Variants in GPHN observed in about 807,000 individuals in gnomAD.
GPHN encodes the protein gephyrin.
GPHN carries 17 observed loss-of-function variants against 95.5 expected under a neutral mutation model. The ratio of observed to expected loss-of-function variants is 0.18; its 90% confidence interval spans 0.12 to 0.27. The LOEUF (loss-of-function observed/expected upper bound fraction) is 0.27, where lower values mean the gene tolerates loss of function less well. GPHN is among the 10% of genes least tolerant of loss of function. The pLI is 1.00. For missense variants in GPHN, 660 were observed against 978.1 expected, an observed-to-expected ratio of 0.67 and a Z score of 4.34; for synonymous variants, 320 against 322.5, an observed-to-expected ratio of 0.99 and a Z score of 0.08.
chr14:67,678,388 C>T, the GPHN span: 7 of 1,613,836 alleles, frequency 4.3e-6, no homozygotes, highest in East Asian at 2.2e-5. Flanking sequence ...AGTCTCATTA[C>T]GAGCTTGGGC....
the GPHN span, chr14:67,350,520 T>C: frequency 8.6e-7 from 1 of 1,157,174 alleles, no homozygotes; most frequent in East Asian, 2.4e-5. Context: ...TCCTTAACGC[T>C]TATTTCTAAA....
At chr14:67,683,338 T>C in the GPHN span, among the ~76,000 whole-genome samples, 4 of 152,056 alleles carry the variant, frequency 2.6e-5, no homozygotes, top group African/African-American at 9.7e-5. Context: ...TCTTGGAAAA[T>C]CAATCCAGTA....
chr14:67,473,770 T>G, the GPHN span: 1 of 1,613,882 alleles, frequency 6.2e-7, no homozygotes, highest in Non-Finnish European at 8.5e-7. The surrounding 1 kb of genome is among the most constrained non-coding windows in gnomAD (Gnocchi z 6.5). Context: ...GTGCCGTAGA[T>G]GAAGAGGGCC....
the GPHN span, among the ~76,000 whole-genome samples, chr14:67,551,163 A>G: frequency 6.6e-6 from 1 of 152,210 alleles, no homozygotes; most frequent in Admixed American, 6.5e-5. Context: ...GCTTAAACCC[A>G]TTCTTTCTGT....
the GPHN span, chr14:67,412,080 G>A: frequency 2.0e-6 from 3 of 1,526,236 alleles, no homozygotes; most frequent in Non-Finnish European, 2.6e-6. Flanking sequence ...GCACGCCAGG[G>A]CCACCCCAGG....
At chr14:66,904,349 A>T (rs939485665) in intron 5 of GPHN, among the ~76,000 whole-genome samples, 1 of 151,954 alleles carries the variant, frequency 6.6e-6, no homozygotes, top group African/African-American at 2.4e-5. Context: ...GGTCCATTTT[A>T]CAGTGTGCTG....
At chr14:67,600,217 G>C in the GPHN span, 38 of 1,558,150 alleles carry the variant, frequency 2.4e-5, no homozygotes, top group Non-Finnish European at 2.8e-5. Flanking sequence ...GCCCCCACTC[G>C]GCCGCCCGCA....
At chr14:67,558,291 A>G in the GPHN span, among the ~76,000 whole-genome samples, 1 of 152,106 alleles carries the variant, frequency 6.6e-6, no homozygotes, top group East Asian at 1.9e-4. Flanking sequence ...TTTCCTACAC[A>G]TGCCTTCTCC....
the GPHN span, chr14:67,735,308 A>C: frequency 2.4e-6 from 2 of 833,588 alleles, no homozygotes; most frequent in Non-Finnish European, 4.3e-6. Flanking sequence ...ACCTCTCTGT[A>C]GTGTCTCGCC....
At chr14:67,038,846 C>G in intron 10 of GPHN, among the ~76,000 whole-genome samples, 1 of 152,104 alleles carries the variant, frequency 6.6e-6, no homozygotes, top group African/African-American at 2.4e-5. Flanking sequence ...TTGAAATCTC[C>G]TCATGATATT....
the GPHN span, among the ~76,000 whole-genome samples, chr14:67,310,062 C>CT: frequency 0.02 from 2,921 of 143,762 alleles, 38 homozygotes; most frequent in Middle Eastern, 0.037. Context: ...TGCTCAAGCA[C>CT]TTTTTTTTTT....
At chr14:66,728,736 A>G (rs1384860083) in intron 2 of GPHN, among the ~76,000 whole-genome samples, 1 of 152,182 alleles carries the variant, frequency 6.6e-6, no homozygotes, top group Non-Finnish European at 1.5e-5. Context: ...ACTGGCTCAT[A>G]GGTAAAAGGG....
At chr14:66,681,294 C>A (rs1275665612) in intron 2 of GPHN, 109 bp downstream of exon 2, 1 of 737,608 alleles carries the variant, frequency 1.4e-6, no homozygotes. Context: ...ACAATTTTTT[C>A]TTTTCTAATA....
chr14:67,000,157 CTT>C (rs2072117477), intron 9 of GPHN, among the ~76,000 whole-genome samples: 1 of 151,748 alleles, frequency 6.6e-6, no homozygotes, highest in African/African-American at 2.4e-5. Flanking sequence ...CCTTTGAACT[CTT>C]AGACACTATT....
chr14:66,524,545 C>T (rs2058611277), intron 1 of GPHN, among the ~76,000 whole-genome samples: 1 of 152,012 alleles, frequency 6.6e-6, no homozygotes, highest in Non-Finnish European at 1.5e-5. Flanking sequence ...CTGTGCAGAA[C>T]ATGCAGGTTT....
chr14:66,862,083 A>G (rs1324061915), intron 4 of GPHN, among the ~76,000 whole-genome samples: 1 of 152,096 alleles, frequency 6.6e-6, no homozygotes, highest in African/African-American at 2.4e-5. Flanking sequence ...AAGATTGACA[A>G]ACCTTTAACC....
At chr14:67,630,578 GTTTA>G in the GPHN span, among the ~76,000 whole-genome samples, 3 of 152,128 alleles carry the variant, frequency 2.0e-5, no homozygotes, top group East Asian at 1.9e-4. Flanking sequence ...TAGTTTTTAT[GTTTA>G]TTTATTTATT....
chr14:67,651,696 C>A, the GPHN span: 1 of 403,886 alleles, frequency 2.5e-6, no homozygotes, highest in African/African-American at 2.3e-5. Context: ...CAATAAAAAC[C>A]AAAGCATAAA....
At chr14:67,258,472 GGGTCGT>G in the GPHN span, among the ~76,000 whole-genome samples, 1 of 152,210 alleles carries the variant, frequency 6.6e-6, no homozygotes, top group Non-Finnish European at 1.5e-5. Flanking sequence ...CCAGGCTGGA[GGGTCGT>G]GGTGTGATCA....
Sources: gnomAD v4.1 joint callset for allele counts (sites outside exome capture counted in the v4.1 genomes callset) on GRCh38, gnomAD v4.1.1 for gene constraint, Gnocchi (gnomAD v3.1) non-coding constraint, MANE v1.5 for transcripts, NCBI Gene and HGNC (gene_info 2026-07-23, HGNC 2026-07-21) for gene names.